The following LRRC1 variants were observed in gnomAD, a reference collection of about 807,000 sequenced individuals.
The protein encoded by LRRC1 is leucine-rich repeat-containing protein 1.
Under a neutral mutation model 69.9 loss-of-function variants are expected in LRRC1, and 28 were observed. The observed-to-expected ratio is 0.40, with a 90% CI of 0.30 to 0.55. The LOEUF (loss-of-function observed/expected upper bound fraction) is 0.55, where lower values mean the gene tolerates loss of function less well. Among genes scored for constraint, LRRC1 ranks in the 20% least tolerant of loss-of-function variants. The probability of loss-of-function intolerance (pLI) is 0.47; values close to 1 mark genes in which losing one functional copy is unlikely to be tolerated. For synonymous variants in LRRC1, 236 were observed against 240.2 expected (o/e 0.98, Z 0.16); for missense variants, 498 against 609.0 (o/e 0.82, Z 1.92).
At chr6:53,878,660 A>G (rs1202469520) in intron 2 of LRRC1, among the ~76,000 whole-genome samples, 1 of 152,076 alleles carries the variant, frequency 6.6e-6, no homozygotes, top group Non-Finnish European at 1.5e-5. Flanking sequence ...CCTGCCGCTC[A>G]CCTCCTGCTG....
At chr6:53,900,020 GTTTTTTTTTTTTT>G (rs869246243) in intron 8 of LRRC1, 129 bp downstream of exon 8, 7,196 of 189,952 alleles carry the variant, frequency 0.038, 111 homozygotes, top group African/African-American at 0.13. Context: ...TCTCCTTACT[GTTTTTTTTTTTTT>G]TTTTTTTTTT....
intron 4 of LRRC1, chr6:53,884,085 G>T: frequency 1.4e-6 from 1 of 704,020 alleles, no homozygotes. Context: ...AGGAGAAGAA[G>T]ACAGGAAGCC....
chr6:53,899,704 G>A lies in LRRC1; in HGVS notation c.643-43G>A. ...CTGGAACAAATGCCTCTGCACTGTGGCAGGTTTAAGTGTGCGTTTATTTTT... is the reference window on the plus strand; with the variant it reads ...CTGGAACAAATGCCTCTGCACTGTGACAGGTTTAAGTGTGCGTTTATTTTT... On this transcript the variant is annotated intron_variant, in intron 7 of 13. Transcript: ENST00000370888. 4 of 1,596,782 alleles carry A rather than the reference G, an allele frequency of 2.5e-6. No individual in the cohort carries two copies. In the African/African-American group the frequency reaches 4.0e-5, roughly 16 times the overall value.
In LRRC1 at chr6:53,878,922, G is replaced by A; in HGVS notation, c.278-71G>A. On this transcript the variant is annotated intron_variant, in intron 2 of 13. Coordinates refer to ENST00000370888, the MANE Select transcript of LRRC1 (RefSeq NM_018214.5). ...TTTCCAGATATTCTCTTGTGAGTGT[G>A]ATCCATCTTGAGAGTGATGAAAACT... 3.6e-6 allele frequency: 3 copies of A among 833,020 alleles called. No homozygotes were observed. The Admixed American group carries it at 6.1e-5, about 17-fold the overall frequency. The allele number at this position is 833,020 out of a possible 1,614,324, so 51.6% of individuals were successfully genotyped here.
intron 10 of LRRC1, among the ~76,000 whole-genome samples, chr6:53,911,956 A>G (rs1158557214): frequency 6.6e-6 from 1 of 152,226 alleles, no homozygotes; most frequent in East Asian, 1.9e-4. Flanking sequence ...TGATGTTTCT[A>G]AAACCTAAGA....
At chr6:53,881,906 T>C (rs1264925047) in intron 3 of LRRC1, among the ~76,000 whole-genome samples, 1 of 152,216 alleles carries the variant, frequency 6.6e-6, no homozygotes, top group African/African-American at 2.4e-5. Context: ...AAACTTTCTT[T>C]GTAAATTTTA....
At chr6:53,813,311 G>C (rs1354087379) in intron 1 of LRRC1, among the ~76,000 whole-genome samples, 1 of 152,122 alleles carries the variant, frequency 6.6e-6, no homozygotes, top group Non-Finnish European at 1.5e-5. Context: ...CCTTAAGGAA[G>C]CCCAGGAGTT....
At chr6:53,806,811 T>C (rs1366635259) in intron 1 of LRRC1, among the ~76,000 whole-genome samples, 4 of 152,092 alleles carry the variant, frequency 2.6e-5, no homozygotes, top group Non-Finnish European at 4.4e-5. Flanking sequence ...CAGAACCAAT[T>C]AAGGAAAAAA....
chr6:53,824,826 C>A (rs6906921), intron 1 of LRRC1, among the ~76,000 whole-genome samples: 56,445 of 151,978 alleles, frequency 0.37, 10,948 homozygotes, highest in East Asian at 0.64. Flanking sequence ...GTAGATCAAC[C>A]ATCCAGTTTT....
In LRRC1 at chr6:53,922,887, C is replaced by G; in HGVS notation, c.*94C>G. On this transcript the variant is annotated 3_prime_UTR_variant, in exon 14 of 14. Coordinates refer to ENST00000370888, the MANE Select transcript of LRRC1 (RefSeq NM_018214.5). ...GAGCCTCACGTGCTCCTTGTCCTAA[C>G]CAGCCCCCGCGCGCCATCTTCCCGT... 1.6e-6 allele frequency: 2 copies of G among 1,233,760 alleles called. No homozygotes were observed. Among genetic ancestry groups the G allele is most frequent in the African/African-American group, 1.5e-5 (1 of 67,416 alleles). 76.4% of individuals were successfully genotyped at this position (1,233,760 alleles called of 1,614,324 possible).
At chr6:53,833,931 T>C (rs996038628) in intron 1 of LRRC1, among the ~76,000 whole-genome samples, 1 of 152,252 alleles carries the variant, frequency 6.6e-6, no homozygotes, top group African/African-American at 2.4e-5. Context: ...TTTGTGATTC[T>C]CTGGAATTCC....
chr6:53,799,995 C>T (rs914820699), intron 1 of LRRC1, among the ~76,000 whole-genome samples: 4 of 152,302 alleles, frequency 2.6e-5, no homozygotes, highest in Non-Finnish European at 4.4e-5. Flanking sequence ...TGCTGAGGCT[C>T]TTTAGGGCTG....
chr6:53,806,652 T>G (rs1233545383), intron 1 of LRRC1, among the ~76,000 whole-genome samples: 1 of 152,148 alleles, frequency 6.6e-6, no homozygotes, highest in Non-Finnish European at 1.5e-5. Context: ...CTTTGATGAG[T>G]GGTGCTACAG....
intron 10 of LRRC1, among the ~76,000 whole-genome samples, chr6:53,910,185 T>C (rs1768365032): frequency 6.6e-6 from 1 of 152,208 alleles, no homozygotes. Flanking sequence ...CTCAGCTATA[T>C]TCCATAATTC....
chr6:53,911,438 A>G (rs1768404984), intron 10 of LRRC1, among the ~76,000 whole-genome samples: 1 of 152,228 alleles, frequency 6.6e-6, no homozygotes, highest in African/African-American at 2.4e-5. Flanking sequence ...AGGGCAGTGG[A>G]CAGCTTCAAG....
At position 53,897,436 on chromosome 6, in the gene LRRC1, T is replaced by G. The variant is rs962230447; in HGVS notation, c.642+77T>G. 1.7e-4 allele frequency: 176 copies of G among 1,044,548 alleles called. 3 individuals are homozygous for G. The South Asian group carries it at 1.8e-3, about 11-fold the overall frequency. 64.7% of individuals were successfully genotyped at this position (1,044,548 alleles called of 1,614,324 possible). ...GCTTTGTGTATTTCCTGCTGCCACA[T>G]AAGGTTTGCTATAAAAGGATCTTGA... On this transcript the variant is annotated intron_variant, in intron 7 of 13. Transcript: ENST00000370888.
At chr6:53,850,772 G>A (rs1252186189) in intron 2 of LRRC1, among the ~76,000 whole-genome samples, 1 of 152,150 alleles carries the variant, frequency 6.6e-6, no homozygotes, top group African/African-American at 2.4e-5. Context: ...ATTACCTTGG[G>A]GAAGTAGGTG....
chr6:53,817,747 T>C (rs1472583277), intron 1 of LRRC1, among the ~76,000 whole-genome samples: 4 of 152,170 alleles, frequency 2.6e-5, no homozygotes, highest in African/African-American at 9.7e-5. Context: ...TACTTGTCTT[T>C]CTGTGTTTTG....
Position 53,904,401 on chromosome 6 carries a change from A to G in LRRC1, c.929A>G (p.Lys310Arg), listed in dbSNP as rs954701176. The change falls in exon 10 of 14, where the codon AAA becomes AGA. Residue 310 changes from lysine to arginine, a missense_variant. This residue lies in a region of LRRC1 where 266 missense variants were observed against 383.9 expected (regional missense o/e 0.69). Transcript: ENST00000370888. The part of the protein sequence containing the change: ...QLLTLPKSIG[K>R]LKKLSNLNAD... The stretch of plus-strand genomic sequence containing the variant: ...CAGACCCTGCCTAAAAGCATTGGAA[A>G]ACTAAAGAAGTTGAGCAACTTGAAT... 2 of 1,611,364 alleles carry G rather than the reference A, an allele frequency of 1.2e-6. No individual in the cohort carries two copies. The highest frequency in any genetic ancestry group is 1.3e-5 in the African/African-American group (1 of 74,870).
Sources: gnomAD v4.1 joint callset for allele counts (sites outside exome capture counted in the v4.1 genomes callset) on GRCh38, gnomAD v4.1.1 for gene constraint, gnomAD v4.1.1 regional missense constraint, MANE v1.5 for transcripts, NCBI Gene and HGNC (gene_info 2026-07-23, HGNC 2026-07-21) for gene names.